Variants in KSR2 observed in about 807,000 individuals in gnomAD.
KSR2 encodes kinase suppressor of ras 2.
A neutral mutation model predicts 107.8 loss-of-function variants in KSR2; 25 were observed. That is an observed-to-expected ratio of 0.23 (90% CI 0.17 to 0.32). The LOEUF is 0.32. Ranked by LOEUF, KSR2 falls within the 10% of genes least tolerant of loss-of-function variation. KSR2 has a pLI of 1.00. For synonymous variants in KSR2, 480 were observed against 507.0 expected, an observed-to-expected ratio of 0.95 and a Z score of 0.71; for missense variants, 887 against 1,268.9, an observed-to-expected ratio of 0.70 and a Z score of 4.57.
chr12:117,920,827 G>C (rs1267476547), intron 1 of KSR2, among the ~76,000 whole-genome samples: 1 of 152,120 alleles, frequency 6.6e-6, no homozygotes, highest in East Asian at 1.9e-4. Context: ...AGATGCAAGA[G>C]TTTCTGAATT....
chr12:117,846,180 T>C (rs954893547), intron 3 of KSR2, among the ~76,000 whole-genome samples: 1 of 151,960 alleles, frequency 6.6e-6, no homozygotes, highest in Non-Finnish European at 1.5e-5. Flanking sequence ...TTGGTTCTAC[T>C]CCTCTGGCTG....
intron 16 of KSR2, among the ~76,000 whole-genome samples, chr12:117,483,877 CAG>C (rs1036112946): frequency 1.3e-5 from 2 of 152,192 alleles, no homozygotes; most frequent in Non-Finnish European, 2.9e-5. Flanking sequence ...CGAGAACTGA[CAG>C]AGGAAGGCAT....
At chr12:117,884,612 A>C (rs1894119800) in intron 1 of KSR2, among the ~76,000 whole-genome samples, 1 of 152,210 alleles carries the variant, frequency 6.6e-6, no homozygotes, top group Non-Finnish European at 1.5e-5. Context: ...CTTGAGACCA[A>C]AGAAACACAC....
Position 117,832,894 on chromosome 12 carries a change from A to G in KSR2, c.472+22534T>C, listed in dbSNP as rs552545566. ...TTACGTCCCTTGAAAATCAGTCTGAACTCTTGAAGTCCACGGGCTTTCAGA... is the reference window on the plus strand; with the variant it reads ...TTACGTCCCTTGAAAATCAGTCTGAGCTCTTGAAGTCCACGGGCTTTCAGA... On this transcript the variant is annotated intron_variant, in intron 3 of 19. Coordinates refer to ENST00000339824, the MANE Select transcript of KSR2 (RefSeq NM_173598.6). Among the ~76,000 whole-genome samples, 44 of 152,060 alleles carry G rather than the reference A, an allele frequency of 2.9e-4. No homozygotes were observed. The South Asian group carries it at 8.1e-3, about 28-fold the overall frequency.
intron 1 of KSR2, among the ~76,000 whole-genome samples, chr12:117,957,762 C>CACAA (rs1896555087): frequency 6.6e-6 from 1 of 151,254 alleles, no homozygotes; most frequent in Non-Finnish European, 1.5e-5. Flanking sequence ...CACACACACA[C>CACAA]ACACACACAC....
At position 117,860,410 on chromosome 12, in the gene KSR2, T is replaced by C; in HGVS notation, c.202A>G (p.Ser68Gly). 6.2e-7 allele frequency: 1 copy of C among 1,610,718 alleles called. No homozygotes were observed. Among genetic ancestry groups the C allele is most frequent in the Non-Finnish European group, 8.5e-7 (1 of 1,178,696 alleles). ...TTCTTTTTGCAGGACAGCTGCCGGC[T>C]GAAGTACTTCACCAGCTTGCTCTGT... ...TLESKLVKYF[S>G]RQLSCKKKVA... The change falls in exon 2 of 20, where the codon AGC (serine) becomes GGC (glycine). Residue 68 changes from serine to glycine, a missense_variant. Transcript: ENST00000339824.
In KSR2 at chr12:117,470,203, TCCA is replaced by T. The variant is rs1192654293; in HGVS notation, c.2713-411_2713-409del. Among the ~76,000 whole-genome samples the T allele has an allele frequency of 1.0e-4, 11 of 107,526 alleles. 1 individual carries two copies. The highest frequency in any genetic ancestry group is 4.0e-4 in the African/African-American group (10 of 24,752). 70.5% of individuals were successfully genotyped at this position (107,526 alleles called of 152,430 possible). ...TTCTTCATCTTTCATTATCCATCCATCCATCCATCCATCCATCCATCCATCCGG... is the reference window on the plus strand; with the variant it reads ...TTCTTCATCTTTCATTATCCATCCATTCCATCCATCCATCCATCCATCCGG... On this transcript the variant is annotated intron_variant, in intron 18 of 19. Coordinates refer to ENST00000339824, the MANE Select transcript of KSR2 (RefSeq NM_173598.6).
intron 5 of KSR2, among the ~76,000 whole-genome samples, chr12:117,621,499 AT>A (rs1882193465): frequency 6.6e-6 from 1 of 152,164 alleles, no homozygotes; most frequent in South Asian, 2.1e-4. Flanking sequence ...CATCAGTAGC[AT>A]GAGGATAAAT....
intron 14 of KSR2, among the ~76,000 whole-genome samples, chr12:117,496,983 T>TTGTACATGGTGGTACACACC (rs995390233): frequency 5.3e-5 from 8 of 151,504 alleles, no homozygotes; most frequent in African/African-American, 9.7e-5. Context: ...CCCAAGTAGC[T>TTGTACATGGTGGTACACACC]TGTACATGGT....
At chr12:117,927,586 G>A (rs1036394150) in intron 1 of KSR2, among the ~76,000 whole-genome samples, 11 of 151,822 alleles carry the variant, frequency 7.2e-5, no homozygotes, top group African/African-American at 9.7e-5. Flanking sequence ...CCATTTACTC[G>A]GGAGAGTGAG....
intron 1 of KSR2, among the ~76,000 whole-genome samples, chr12:117,948,359 G>C (rs140419124): frequency 6.6e-6 from 1 of 151,946 alleles, no homozygotes; most frequent in Admixed American, 6.6e-5. Flanking sequence ...GCGTGTTGGC[G>C]TGTGCCTGTA....
chr12:117,940,958 T>TA (rs1473892285), intron 1 of KSR2, among the ~76,000 whole-genome samples: 2 of 152,006 alleles, frequency 1.3e-5, no homozygotes, highest in East Asian at 3.8e-4. Flanking sequence ...TGGTGGTGGT[T>TA]ACCTGTAATT....
intron 3 of KSR2, among the ~76,000 whole-genome samples, chr12:117,829,508 C>T (rs551928287): frequency 6.6e-6 from 1 of 152,214 alleles, no homozygotes; most frequent in Non-Finnish European, 1.5e-5. Flanking sequence ...TAACATGGGG[C>T]TTGGCACAAA....
intron 1 of KSR2, among the ~76,000 whole-genome samples, chr12:117,929,694 G>A (rs1357136404): frequency 6.6e-6 from 1 of 152,228 alleles, no homozygotes; most frequent in Non-Finnish European, 1.5e-5. Flanking sequence ...GAATGAAGTA[G>A]TGATATGTGC....
rs183454250 is a variant in KSR2, at chr12:117,620,085, C to G, written c.1172-37726G>C. Among the ~76,000 whole-genome samples the G allele has an allele frequency of 7.2e-5, 11 of 152,260 alleles. No homozygotes were observed. The East Asian group carries it at 1.9e-3, about 27-fold the overall frequency. On this transcript the variant is annotated intron_variant, in intron 5 of 19. Coordinates refer to ENST00000339824, the MANE Select transcript of KSR2 (RefSeq NM_173598.6). Reference sequence around the variant, plus strand: ...CCTTCTTTAATTTATCATAGTTGATCTTTAATGTAGGTATTATTAGCCTCA... The same window carrying G: ...CCTTCTTTAATTTATCATAGTTGATGTTTAATGTAGGTATTATTAGCCTCA...
At chr12:117,762,882 C>A (rs1968608) in intron 3 of KSR2, among the ~76,000 whole-genome samples, 4 of 151,372 alleles carry the variant, frequency 2.6e-5, no homozygotes, top group African/African-American at 7.3e-5. Flanking sequence ...AAAAAAAAAA[C>A]CTTTTTTTTA....
chr12:117,880,878 C>T (rs192128539), intron 1 of KSR2, among the ~76,000 whole-genome samples: 155 of 152,136 alleles, frequency 1.0e-3, no homozygotes, highest in African/African-American at 3.6e-3. Context: ...CCATGTTGGC[C>T]AGGCTGGTCT....
At chr12:117,781,581 C>A (rs1306476068) in intron 3 of KSR2, among the ~76,000 whole-genome samples, 1 of 152,206 alleles carries the variant, frequency 6.6e-6, no homozygotes, top group Non-Finnish European at 1.5e-5. Flanking sequence ...ACGAACCAAA[C>A]CCACTGCATT....
intron 9 of KSR2, among the ~76,000 whole-genome samples, chr12:117,550,255 C>A (rs144278196): frequency 6.6e-6 from 1 of 152,228 alleles, no homozygotes; most frequent in East Asian, 1.9e-4. Flanking sequence ...AGCAGAAGCA[C>A]GAGGTTGTGC....
Sources: gnomAD v4.1 joint callset for allele counts (sites outside exome capture counted in the v4.1 genomes callset) on GRCh38, gnomAD v4.1.1 for gene constraint, MANE v1.5 for transcripts, NCBI Gene and HGNC (gene_info 2026-07-23, HGNC 2026-07-21) for gene names.